Variants in ABHD17B observed in about 807,000 individuals in gnomAD.
ABHD17B encodes the protein alpha/beta hydrolase domain-containing protein 17B.
A neutral mutation model predicts 26.2 loss-of-function variants in ABHD17B; 9 were observed. The observed-to-expected ratio is 0.34, with a 90% confidence interval of 0.21 to 0.60. The LOEUF is 0.60. Ranked by LOEUF, ABHD17B falls within the 20% of genes least tolerant of loss-of-function variation. The pLI, the probability that ABHD17B is intolerant of heterozygous loss-of-function variation, is 0.80. For missense variants in ABHD17B, 224 were observed against 352.1 expected (o/e 0.64, Z 2.91); for synonymous variants, 127 against 122.3 (o/e 1.04, Z -0.25).
intron 1 of ABHD17B, among the ~76,000 whole-genome samples, chr9:71,901,740 T>C (rs1041905403): frequency 2.6e-5 from 4 of 152,144 alleles, no homozygotes; most frequent in African/African-American, 9.7e-5. Flanking sequence ...CAAGGTCTAC[T>C]TCCTATGGAC....
downstream of ABHD17B, chr9:71,865,110 G>C: frequency 1.0e-6 from 1 of 965,664 alleles, no homozygotes; most frequent in South Asian, 4.8e-5. Context: ...ACTCTTTCTA[G>C]TGTGGGGGTG....
chr9:71,898,918 T>C (rs1380017975), intron 1 of ABHD17B, among the ~76,000 whole-genome samples: 1 of 150,832 alleles, frequency 6.6e-6, no homozygotes, highest in Non-Finnish European at 1.5e-5. Context: ...AGGTCAGGAG[T>C]TTCAGAGCAA....
In ABHD17B at chr9:71,885,385, G is replaced by A. The variant is rs147325574; in HGVS notation, c.-3-10302C>T. Among the ~76,000 whole-genome samples the A allele has an allele frequency of 9.1e-3, 1,381 of 151,444 alleles. 21 individuals carry two copies. Among genetic ancestry groups the A allele is most frequent in the African/African-American group, 0.031 (1,277 of 41,262 alleles). ...TGAGGCAGGAGAATGGCTTGAACCC[G>A]GGAAGCAGAGGTTACAGTGAGCCGA... On this transcript the variant is annotated intron_variant, in intron 1 of 3. Coordinates refer to ENST00000333421, the MANE Select transcript of ABHD17B (RefSeq NM_001025780.3).
chr9:71,887,586 A>C (rs1826647483), intron 1 of ABHD17B, among the ~76,000 whole-genome samples: 2 of 152,220 alleles, frequency 1.3e-5, no homozygotes, highest in Non-Finnish European at 1.5e-5. Context: ...CACTGTGGCT[A>C]CAAGTTACAC....
intron 1 of ABHD17B, among the ~76,000 whole-genome samples, chr9:71,904,172 C>CA (rs1318877901): frequency 6.6e-6 from 1 of 152,142 alleles, no homozygotes; most frequent in Non-Finnish European, 1.5e-5. Context: ...TATTCCAAAG[C>CA]AGTTATCACT....
rs774135182 is a variant in ABHD17B, at chr9:71,874,870, T to C, written c.211A>G (p.Thr71Ala). 6.2e-7 allele frequency: 1 copy of C among 1,614,176 alleles called. No homozygotes were observed. The highest frequency in any genetic ancestry group is 1.6e-4 in the Middle Eastern group (1 of 6,062). The change falls in exon 2 of 4, where the codon ACT (threonine) becomes GCT (alanine). Residue 71 changes from threonine to alanine, a missense_variant. By Grantham distance (58) the Thr-to-Ala change is moderately conservative. Transcript: ENST00000333421. ...ATTCTGTTGCCTTTACTGGTTCTAG[T>C]CATGAAACACTCAATAGCATCTTTT... ...REKDAIECFMTRTSKGNRIAC... is the reference protein window; with the variant it reads ...REKDAIECFMARTSKGNRIAC...
rs1195947401 is a variant in ABHD17B at position 71,870,240 on chromosome 9, C to A, written c.490G>T (p.Val164Leu). 6.3e-7 allele frequency: 1 copy of A among 1,595,200 alleles called. No homozygotes were observed. Among genetic ancestry groups the A allele is most frequent in the South Asian group, 1.2e-5 (1 of 86,722 alleles). Residue 164 changes from valine to leucine, a missense_variant, in exon 3 of 4, where the codon GTG becomes TTG. Transcript: ENST00000333421. Reference sequence around the variant, plus strand: ...CCTATACTTTGGCCATATATAATCACATTTTCAGGGCGAATGCCATATCTA... The same window carrying A: ...CCTATACTTTGGCCATATATAATCAAATTTTCAGGGCGAATGCCATATCTA... The part of the protein sequence containing the change: ...RTRYGIRPEN[V>L]IIYGQSIGTV...
chr9:71,909,816 C>T (rs930975264), intron 1 of ABHD17B, among the ~76,000 whole-genome samples: 9 of 151,860 alleles, frequency 5.9e-5, no homozygotes, highest in Non-Finnish European at 1.2e-4. Flanking sequence ...GCATCATTTA[C>T]AAAAAATTCT....
chr9:71,909,865 T>A (rs894338984), intron 1 of ABHD17B, among the ~76,000 whole-genome samples: 7 of 151,524 alleles, frequency 4.6e-5, no homozygotes, highest in Non-Finnish European at 8.8e-5. Flanking sequence ...AGATCAAAGA[T>A]CTGAACTTTT....
At chr9:71,888,168 C>CA (rs1325647524) in intron 1 of ABHD17B, among the ~76,000 whole-genome samples, 1 of 152,166 alleles carries the variant, frequency 6.6e-6, no homozygotes, top group Non-Finnish European at 1.5e-5. Flanking sequence ...ACTGATGGAG[C>CA]AGTAAAATAG....
intron 1 of ABHD17B, among the ~76,000 whole-genome samples, chr9:71,893,667 T>C (rs568982432): frequency 1.1e-4 from 16 of 152,238 alleles, no homozygotes; most frequent in African/African-American, 3.9e-4. Flanking sequence ...ACGCCCTCTC[T>C]CCTACCCAGA....
rs913490263 is a variant in ABHD17B, at chr9:71,868,959, G to A, written c.647+1124C>T. Among the ~76,000 whole-genome samples the A allele has an allele frequency of 7.2e-5, 11 of 152,342 alleles. No individual in the cohort carries two copies. The South Asian group carries it at 1.2e-3, about 17-fold the overall frequency. On this transcript the variant is annotated intron_variant, in intron 3 of 3. Transcript: ENST00000333421. ...CCGCCACGGCCTCCAAAAGTGCTGG[G>A]ACTACAGGCGTGAACCACTGTGCCT... is the stretch of plus-strand genomic sequence containing the variant.
intron 1 of ABHD17B, among the ~76,000 whole-genome samples, chr9:71,892,271 A>G (rs1358292548): frequency 2.0e-5 from 3 of 152,042 alleles, no homozygotes; most frequent in African/African-American, 4.8e-5. Context: ...AGTGACTCAC[A>G]CCTGTAATCC....
chr9:71,872,126 C>A (rs1050710937), intron 2 of ABHD17B, among the ~76,000 whole-genome samples: 4 of 152,140 alleles, frequency 2.6e-5, no homozygotes, highest in South Asian at 4.1e-4. Context: ...TGGAAAAGAT[C>A]TTGGGGATCA....
chr9:71,879,216 T>C (rs1826368485), intron 1 of ABHD17B, among the ~76,000 whole-genome samples: 1 of 152,016 alleles, frequency 6.6e-6, no homozygotes, highest in Non-Finnish European at 1.5e-5. Context: ...ATGAGATATC[T>C]GAGATATGAG....
intron 1 of ABHD17B, among the ~76,000 whole-genome samples, chr9:71,898,666 C>A (rs1227866457): frequency 6.6e-6 from 1 of 151,594 alleles, no homozygotes; most frequent in Non-Finnish European, 1.5e-5. Context: ...AAACAACACA[C>A]ATGGGAAAGG....
intron 2 of ABHD17B, among the ~76,000 whole-genome samples, chr9:71,872,501 CTAACATGTTTTGTTTGAG>C (rs1390325892): frequency 6.6e-6 from 1 of 152,088 alleles, no homozygotes. Flanking sequence ...GAACTGAATA[CTAACATGTTTTGTTTGAG>C]TAAAGTGACC....
At chr9:71,900,652 C>CAA (rs35196879) in intron 1 of ABHD17B, among the ~76,000 whole-genome samples, 34 of 69,420 alleles carry the variant, frequency 4.9e-4, no homozygotes, top group African/African-American at 1.8e-3. Flanking sequence ...ACTCCATCTC[C>CAA]AAAAAAAAAA....
downstream of ABHD17B, among the ~76,000 whole-genome samples, chr9:71,863,137 T>C (rs761499189): frequency 7.2e-5 from 11 of 152,166 alleles, no homozygotes; most frequent in Non-Finnish European, 1.6e-4. Flanking sequence ...TTTTTGTACT[T>C]GGAGGATATG....
Sources: allele counts gnomAD v4.1 joint callset (sites outside exome capture counted in the v4.1 genomes callset), GRCh38; gene constraint gnomAD v4.1.1; transcripts MANE v1.5; gene names NCBI Gene and HGNC (gene_info 2026-07-23, HGNC 2026-07-21).